The following ABCA3 variants were observed in gnomAD, a reference collection of about 807,000 sequenced individuals.
ABCA3 encodes ATP binding cassette subfamily A member 3.
ABCA3 carries 88 observed loss-of-function variants against 172.8 expected under a neutral mutation model. The ratio of observed to expected loss-of-function variants is 0.51; its 90% CI spans 0.43 to 0.61. The LOEUF (loss-of-function observed/expected upper bound fraction) is 0.61, where lower values mean the gene tolerates loss of function less well. ABCA3 is among the 20% of genes least tolerant of loss of function. The pLI, the probability that ABCA3 is intolerant of heterozygous loss-of-function variation, is 0.00. For missense variants in ABCA3, 2,164 were observed against 2,301.0 expected (o/e 0.94, Z 1.22); for synonymous variants, 1,066 against 983.8 (o/e 1.08, Z -1.56).
At chr16:2,295,199 G>A (rs1378791060) in intron 18 of ABCA3, among the ~76,000 whole-genome samples, 1 of 152,132 alleles carries the variant, frequency 6.6e-6, no homozygotes. Context: ...AACATCTCCA[G>A]CTCTGACACT....
In ABCA3 at chr16:2,277,534, G is replaced by C; in HGVS notation, c.4983+63C>G. ...AGCCTGCAGTCACCACAGAGGGAGA[G>C]ACCCCTGGAGGGACCTCCCCCTGCC... On this transcript the variant is annotated intron_variant, in intron 32 of 32. Transcript: ENST00000301732. This position sits in a 1 kb window ranked among gnomAD's most constrained non-coding sequence, Gnocchi z 5.3. The C allele has an allele frequency of 1.3e-6, 2 of 1,547,220 alleles. No individual in the cohort carries two copies. The highest frequency in any genetic ancestry group is 1.8e-6 in the Non-Finnish European group (2 of 1,125,226).
In ABCA3 at chr16:2,281,281, T is replaced by C; in HGVS notation, c.4165-60A>G. 1 of 1,613,112 alleles carries C rather than the reference T, an allele frequency of 6.2e-7. No homozygotes were observed. On this transcript the variant is annotated intron_variant, in intron 27 of 32. Coordinates refer to ENST00000301732, the MANE Select transcript of ABCA3 (RefSeq NM_001089.3). The surrounding 1 kb of genome is among the most constrained non-coding windows in gnomAD (Gnocchi z 4.7). ...GGCCTGGACGCAAAGCAGAGCAGTC[T>C]GAGCCTCAGCGCCGAAAGCTTCCAG...
chr16:2,317,235 G>A (rs371595685), intron 10 of ABCA3, 48 bp downstream of exon 10: 230 of 1,611,442 alleles, frequency 1.4e-4, no homozygotes, highest in Non-Finnish European at 1.8e-4. Flanking sequence ...CATGCAGATG[G>A]CCCTTGGCCC....
At chr16:2,280,045 G>A (rs904798417) in intron 28 of ABCA3, among the ~76,000 whole-genome samples, 7 of 152,350 alleles carry the variant, frequency 4.6e-5, no homozygotes, top group Non-Finnish European at 1.0e-4. Context: ...CACGCTCCCA[G>A]CCCAGAATCT....
chr16:2,281,997 C>T lies in ABCA3; in HGVS notation c.4036-488G>A, dbSNP rs537199345. ...TAGAGACGGAGTTTCACTGTGTTGG[C>T]CAGGCTGGTCTAGAACTCCTGACCT... On this transcript the variant is annotated intron_variant, in intron 26 of 32. Transcript: ENST00000301732. This position sits in a 1 kb window ranked among gnomAD's most constrained non-coding sequence, Gnocchi z 4.7. Among the ~76,000 whole-genome samples, 98 of 152,238 alleles carry T rather than the reference C, an allele frequency of 6.4e-4. No individual in the cohort carries two copies. The highest frequency in any genetic ancestry group is 2.2e-3 in the African/African-American group (92 of 41,546).
rs1279127044 is a variant in ABCA3 at position 2,278,815 on chromosome 16, C to T, written c.4547+128G>A. 6 of 1,413,740 alleles carry T rather than the reference C, an allele frequency of 4.2e-6. No homozygotes were observed. Among genetic ancestry groups the T allele is most frequent in the Non-Finnish European group, 4.9e-6 (5 of 1,016,540 alleles). The allele number at this position is 1,413,740 out of a possible 1,614,324, so 87.6% of individuals were successfully genotyped here. A position where few individuals can be genotyped will look rare whatever the true frequency, so the allele number is the denominator to read the frequency against. ...AGCTACCTGGGTCACACCACCACAT[C>T]CCAGCTCCATCCTGGAGCCACAAGC... On this transcript the variant is annotated intron_variant, in intron 29 of 32. Coordinates refer to ENST00000301732, the MANE Select transcript of ABCA3 (RefSeq NM_001089.3). The surrounding 1 kb of genome is among the most constrained non-coding windows in gnomAD (Gnocchi z 4.4).
intron 11 of ABCA3, among the ~76,000 whole-genome samples, chr16:2,304,500 C>CTTTTTTTTTTTTTTTTTT (rs34874417): frequency 1.2e-5 from 1 of 84,004 alleles, no homozygotes; most frequent in Non-Finnish European, 2.2e-5. Flanking sequence ...TAGCATAAGT[C>CTTTTTTTTTTTTTTTTTT]TTTTTTTTTT....
intron 1 of ABCA3, among the ~76,000 whole-genome samples, chr16:2,335,346 G>T (rs145731409): frequency 6.6e-6 from 1 of 152,108 alleles, no homozygotes; most frequent in East Asian, 1.9e-4. Context: ...CAGGATCTCA[G>T]TCACACACAG....
Position 2,285,432 on chromosome 16 carries a change from C to T in ABCA3, c.3483+10G>A, listed in dbSNP as rs886051813. The T allele has an allele frequency of 8.7e-6, 14 of 1,602,178 alleles. No homozygotes were observed. Among genetic ancestry groups the T allele is most frequent in the South Asian group, 1.1e-5 (1 of 88,950 alleles). ...GCAGGGGAACGGATCCAGCACCCTC[C>T]GGCGCTCACCAGCAGCAGCAGACTG... is the stretch of plus-strand genomic sequence containing the variant. On this transcript the variant is annotated intron_variant, in intron 23 of 32. Coordinates refer to ENST00000301732, the MANE Select transcript of ABCA3 (RefSeq NM_001089.3). The surrounding 1 kb of genome is among the most constrained non-coding windows in gnomAD (Gnocchi z 4.7).
intron 11 of ABCA3, among the ~76,000 whole-genome samples, chr16:2,307,935 G>A (rs1482366425): frequency 6.6e-6 from 1 of 152,194 alleles, no homozygotes; most frequent in Non-Finnish European, 1.5e-5. Flanking sequence ...AATGTCTCAG[G>A]AAGCTGGAAG....
chr16:2,297,724 G>C lies in ABCA3; in HGVS notation c.2052+42C>G, dbSNP rs558911274. 2.5e-6 allele frequency: 4 copies of C among 1,604,826 alleles called. No individual in the cohort carries two copies. In the East Asian group the frequency reaches 8.9e-5, roughly 36 times the overall value. On this transcript the variant is annotated intron_variant, in intron 16 of 32. Transcript: ENST00000301732. The surrounding 1 kb of genome is among the most constrained non-coding windows in gnomAD (Gnocchi z 5.6). ...CATGGCGGAAGGGCCATCCCAGGTC[G>C]AGCAGGAGGGGAACCCACTGCCTCC...
chr16:2,309,888 G>C (rs1296394967), intron 10 of ABCA3, among the ~76,000 whole-genome samples: 2 of 151,992 alleles, frequency 1.3e-5, no homozygotes, highest in Non-Finnish European at 2.9e-5. Flanking sequence ...CCAAAGTGTT[G>C]GGATTACAGG....
intron 10 of ABCA3, among the ~76,000 whole-genome samples, chr16:2,309,014 C>T (rs1436799500): frequency 1.3e-5 from 2 of 151,948 alleles, no homozygotes; most frequent in African/African-American, 2.4e-5. Context: ...GGCACGATCT[C>T]GGCTCACTGC....
rs201958147 is a variant in ABCA3, at chr16:2,323,518, C to T, written c.613+5G>A. ...GGTAACACGAACCCTAACCGAGCTT[C>T]TCACCAGGTTCTCCGCCATCAGGGG... On this transcript the variant is annotated splice_donor_5th_base_variant and intron_variant, in intron 7 of 32. Transcript: ENST00000301732. 6.2e-7 allele frequency: 1 copy of T among 1,614,094 alleles called. No individual in the cohort carries two copies. Among genetic ancestry groups the T allele is most frequent in the East Asian group, 2.2e-5 (1 of 44,886 alleles).
chr16:2,297,431 G>C lies in ABCA3; in HGVS notation c.2161C>G (p.His721Asp). The C allele has an allele frequency of 6.2e-7, 1 of 1,613,842 alleles. No homozygotes were observed. The highest frequency in any genetic ancestry group is 2.2e-5 in the East Asian group (1 of 44,852). Residue 721 changes from histidine to aspartate, a missense_variant, in exon 17 of 33, where the codon CAC becomes GAC. Physicochemically the swap from His to Asp is moderately conservative, Grantham distance 81. This residue lies in a region of ABCA3 where 1,343 missense variants were observed against 1,369.6 expected (regional missense o/e 0.98). Transcript: ENST00000301732. The surrounding 1 kb of genome is among the most constrained non-coding windows in gnomAD (Gnocchi z 5.6). ...KSDRTIVLTT[H>D]FMDEADLLGD... ...AGCAGGTCAGCCTCGTCCATGAAGT[G>C]GGTGGTCAGCACGATGGTGCGGTCA...
At chr16:2,299,561 C>A in intron 13 of ABCA3, 29 bp from the exon 14 acceptor site, 1 of 1,610,850 alleles carries the variant, frequency 6.2e-7, no homozygotes, top group Non-Finnish European at 8.5e-7. Context: ...CTGCCCTGGG[C>A]TACCCACAGC....
At chr16:2,324,973 G>C (rs1374416239) in intron 5 of ABCA3, among the ~76,000 whole-genome samples, 2 of 152,128 alleles carry the variant, frequency 1.3e-5, no homozygotes, top group African/African-American at 4.8e-5. Flanking sequence ...TTCAGAAAGG[G>C]TTTTACTGTC....
rs2093685974 is a variant in ABCA3 at position 2,299,727 on chromosome 16, TCCCAGACAC to T, written c.1612-204_1612-196del. Reference sequence around the variant, plus strand: ...TCCGGTCTCCCCCAGCCCCAACACGTCCCAGACACCCTCAGTGTCTCTGCAACCCTGGGA... The same window carrying T: ...TCCGGTCTCCCCCAGCCCCAACACGTCCTCAGTGTCTCTGCAACCCTGGGA... On this transcript the variant is annotated intron_variant, in intron 13 of 32. Coordinates refer to ENST00000301732, the MANE Select transcript of ABCA3 (RefSeq NM_001089.3). Among the ~76,000 whole-genome samples the T allele has an allele frequency of 7.2e-5, 11 of 152,284 alleles. No individual in the cohort carries two copies. The South Asian group carries it at 2.3e-3, about 32-fold the overall frequency.
chr16:2,282,063 T>C (rs914323248), intron 26 of ABCA3, among the ~76,000 whole-genome samples: 1 of 152,222 alleles, frequency 6.6e-6, no homozygotes, highest in Non-Finnish European at 1.5e-5. Context: ...GTGTTGGGAT[T>C]ACAGGCATTA....
Sources: gnomAD v4.1 joint callset for allele counts (sites outside exome capture counted in the v4.1 genomes callset) on GRCh38, gnomAD v4.1.1 for gene constraint, gnomAD v4.1.1 regional missense constraint, Gnocchi (gnomAD v3.1) non-coding constraint, MANE v1.5 for transcripts, NCBI Gene and HGNC (gene_info 2026-07-23, HGNC 2026-07-21) for gene names.